DPYD: variants seen among roughly 807,000 people sequenced by gnomAD.
The protein encoded by DPYD is dihydropyrimidine dehydrogenase, also known as dihydropyrimidine dehydrogenase [NADP(+)].
DPYD carries 109 observed loss-of-function variants against 116.2 expected under a neutral mutation model. The observed-to-expected ratio is 0.94, with a 90% confidence interval of 0.80 to 1.10. The LOEUF (loss-of-function observed/expected upper bound fraction) is 1.10, where lower values mean the gene tolerates loss of function less well. Ranked by LOEUF, DPYD falls within the 50% of genes least tolerant of loss-of-function variation. The pLI is 0.00. For missense variants in DPYD, 1,302 were observed against 1,254.5 expected (o/e 1.04, Z -0.57); for synonymous variants, 440 against 432.0 (o/e 1.02, Z -0.23).
intron 11 of DPYD, among the ~76,000 whole-genome samples, chr1:97,563,948 C>T (rs1026532859): frequency 6.6e-6 from 1 of 152,092 alleles, no homozygotes; most frequent in Non-Finnish European, 1.5e-5. Flanking sequence ...CAACATATTT[C>T]GTAATAGAAA....
At chr1:97,297,328 T>C (rs1300546485) in intron 18 of DPYD, among the ~76,000 whole-genome samples, 3 of 152,188 alleles carry the variant, frequency 2.0e-5, no homozygotes, top group Non-Finnish European at 4.4e-5. Context: ...AGACACCATG[T>C]ATGTGTCTCA....
At chr1:97,822,153 C>T (rs1668972880) in intron 3 of DPYD, among the ~76,000 whole-genome samples, 1 of 151,136 alleles carries the variant, frequency 6.6e-6, no homozygotes, top group Non-Finnish European at 1.5e-5. Flanking sequence ...GTAATAGCCA[C>T]ATTTCATTCC....
chr1:97,920,664 A>AC (rs1674464908), intron 1 of DPYD, among the ~76,000 whole-genome samples: 1 of 152,084 alleles, frequency 6.6e-6, no homozygotes, highest in Non-Finnish European at 1.5e-5. Flanking sequence ...GCAAAGGGCA[A>AC]CCCCTCCAGT....
At chr1:97,323,285 T>C (rs1387984867) in intron 16 of DPYD, among the ~76,000 whole-genome samples, 2 of 149,440 alleles carry the variant, frequency 1.3e-5, no homozygotes, top group East Asian at 4.0e-4. Context: ...TACACGTATA[T>C]ATACATATGT....
intron 13 of DPYD, among the ~76,000 whole-genome samples, chr1:97,505,901 G>A (rs1647290609): frequency 1.3e-5 from 2 of 151,952 alleles, no homozygotes; most frequent in African/African-American, 4.8e-5. Context: ...AGGGCAGGAT[G>A]AAAAGGGCAA....
intron 14 of DPYD, among the ~76,000 whole-genome samples, chr1:97,433,235 C>A (rs1035399388): frequency 6.6e-5 from 10 of 152,136 alleles, no homozygotes; most frequent in African/African-American, 2.2e-4. Context: ...GGGGATATCT[C>A]TCAGCTTGGC....
At chr1:97,334,428 G>A (rs556633442) in intron 16 of DPYD, among the ~76,000 whole-genome samples, 23 of 152,222 alleles carry the variant, frequency 1.5e-4, no homozygotes, top group African/African-American at 5.5e-4. Context: ...AATTCCTGCT[G>A]CATGGTCATT....
chr1:97,113,141 C>T (rs911494773), intron 20 of DPYD, among the ~76,000 whole-genome samples: 4 of 152,062 alleles, frequency 2.6e-5, no homozygotes, highest in Admixed American at 6.6e-5. Flanking sequence ...GCCTACTGTG[C>T]ATATACACAC....
At chr1:97,237,190 G>C (rs1357724124) in intron 18 of DPYD, among the ~76,000 whole-genome samples, 2 of 132,578 alleles carry the variant, frequency 1.5e-5, no homozygotes, top group Non-Finnish European at 3.1e-5. Context: ...GCAGTGAGCC[G>C]AGATTGCGCC....
intron 14 of DPYD, among the ~76,000 whole-genome samples, chr1:97,426,043 C>A (rs1413308880): frequency 1.3e-5 from 2 of 150,764 alleles, no homozygotes; most frequent in Admixed American, 1.3e-4. Context: ...CATTATTTTT[C>A]ATTTTTTCAA....
chr1:97,553,104 A>T (rs935060521), intron 11 of DPYD, among the ~76,000 whole-genome samples: 2 of 151,978 alleles, frequency 1.3e-5, no homozygotes, highest in Non-Finnish European at 2.9e-5. Flanking sequence ...GACTATCACA[A>T]CTGGAATATC....
At chr1:97,413,162 A>AAGG (rs1306587556) in intron 14 of DPYD, among the ~76,000 whole-genome samples, 3 of 152,250 alleles carry the variant, frequency 2.0e-5, no homozygotes, top group African/African-American at 4.8e-5. Context: ...ACTAAATAAA[A>AAGG]GAATGAATGC....
At chr1:97,487,036 CTT>C (rs1678678318) in intron 13 of DPYD, among the ~76,000 whole-genome samples, 1 of 151,956 alleles carries the variant, frequency 6.6e-6, no homozygotes, top group African/African-American at 2.4e-5. Flanking sequence ...TATCTGTACT[CTT>C]AGGTCATATT....
At chr1:97,427,178 T>C (rs1020162888) in intron 14 of DPYD, among the ~76,000 whole-genome samples, 3 of 152,136 alleles carry the variant, frequency 2.0e-5, no homozygotes, top group African/African-American at 4.8e-5. Context: ...GATTTATCTT[T>C]TATTGTTTGT....
At chr1:97,419,060 T>C (rs1674438471) in intron 14 of DPYD, among the ~76,000 whole-genome samples, 1 of 152,118 alleles carries the variant, frequency 6.6e-6, no homozygotes, top group South Asian at 2.1e-4. Flanking sequence ...CATGAGATCA[T>C]TTGACTTTTT....
chr1:97,297,337 C>A (rs577871240), intron 18 of DPYD, among the ~76,000 whole-genome samples: 2 of 152,250 alleles, frequency 1.3e-5, no homozygotes, highest in African/African-American at 4.8e-5. Flanking sequence ...GTATGTGTCT[C>A]AAAGGTTTAC....
chr1:97,359,297 T>C (rs894131547), intron 16 of DPYD, among the ~76,000 whole-genome samples: 2 of 152,008 alleles, frequency 1.3e-5, no homozygotes, highest in African/African-American at 2.4e-5. Context: ...CTCCAAGAAA[T>C]ATGGGACTCT....
chr1:97,658,525 T>C (rs899224705), intron 8 of DPYD, among the ~76,000 whole-genome samples: 2 of 152,148 alleles, frequency 1.3e-5, no homozygotes, highest in African/African-American at 4.8e-5. Context: ...TTTTTTAATG[T>C]TCTCATTAAA....
intron 8 of DPYD, among the ~76,000 whole-genome samples, chr1:97,634,265 T>C (rs1284579342): frequency 6.6e-6 from 1 of 152,114 alleles, no homozygotes; most frequent in Non-Finnish European, 1.5e-5. Context: ...TCAAATCCTG[T>C]AAAAGATTCT....
Sources: allele counts gnomAD v4.1 joint callset (sites outside exome capture counted in the v4.1 genomes callset), GRCh38; gene constraint gnomAD v4.1.1; transcripts MANE v1.5; gene names NCBI Gene and HGNC (gene_info 2026-07-23, HGNC 2026-07-21).